The following ME3 variants were observed in gnomAD, a reference collection of about 807,000 sequenced individuals.
ME3 encodes malic enzyme 3, also known as NADP-dependent malic enzyme, mitochondrial.
Under a neutral mutation model 68.9 loss-of-function variants are expected in ME3, and 48 were observed. The observed-to-expected ratio is 0.70, with a 90% confidence interval of 0.55 to 0.89. The LOEUF (loss-of-function observed/expected upper bound fraction) is 0.89. Ranked by LOEUF, ME3 falls within the 40% of genes least tolerant of loss-of-function variation. The pLI, the probability that ME3 is intolerant of heterozygous loss-of-function variation, is 0.00. For synonymous variants in ME3, 320 were observed against 318.8 expected, an observed-to-expected ratio of 1.00 and a Z score of -0.04; for missense variants, 675 against 797.4, an observed-to-expected ratio of 0.85 and a Z score of 1.85.
At chr11:86,462,854 C>G (rs1950291378) in intron 8 of ME3, among the ~76,000 whole-genome samples, 1 of 152,100 alleles carries the variant, frequency 6.6e-6, no homozygotes, top group Non-Finnish European at 1.5e-5. Flanking sequence ...TGGGCCTTCC[C>G]TGGGCAGGAG....
At chr11:86,483,097 C>T (rs757377966) in intron 7 of ME3, among the ~76,000 whole-genome samples, 19 of 152,136 alleles carry the variant, frequency 1.2e-4, no homozygotes, top group Non-Finnish European at 2.8e-4. Flanking sequence ...CACAAAGGCC[C>T]GACAAGTAAC....
chr11:86,451,243 G>A lies in ME3; in HGVS notation c.920-845C>T, dbSNP rs142048717. The stretch of plus-strand genomic sequence containing the variant: ...GTTTAGCTGGATGATCAGGGACTTG[G>A]AAAGAACAAAATAGCAAGACTGGTG... On this transcript the variant is annotated intron_variant, in intron 8 of 14. Transcript: ENST00000543262. Among the ~76,000 whole-genome samples, 898 of 152,314 alleles carry A rather than the reference G, an allele frequency of 5.9e-3. 2 individuals are homozygous for A. The highest frequency in any genetic ancestry group is 8.6e-3 in the Non-Finnish European group (584 of 68,018).
chr11:86,587,653 A>C (rs74715785), intron 2 of ME3, among the ~76,000 whole-genome samples: 1,876 of 152,298 alleles, frequency 0.012, 15 homozygotes, highest in Middle Eastern at 0.027. Flanking sequence ...ACTTCAAAAG[A>C]AAGACAGTAG....
At chr11:86,579,208 A>G (rs1958292007) in intron 2 of ME3, among the ~76,000 whole-genome samples, 4 of 152,166 alleles carry the variant, frequency 2.6e-5, no homozygotes, top group African/African-American at 9.7e-5. Flanking sequence ...TTCATATTTC[A>G]GAATTAATTT....
At chr11:86,565,213 A>AC (rs71470707) in intron 2 of ME3, among the ~76,000 whole-genome samples, 2 of 151,306 alleles carry the variant, frequency 1.3e-5, no homozygotes, top group East Asian at 1.9e-4. Flanking sequence ...ACACACACAC[A>AC]CCCCCCCTAG....
chr11:86,612,601 C>T (rs2135205895), intron 2 of ME3, among the ~76,000 whole-genome samples: 1 of 152,280 alleles, frequency 6.6e-6, no homozygotes, highest in African/African-American at 2.4e-5. Flanking sequence ...TAATAATTGC[C>T]ATTCTGACTG....
chr11:86,508,768 A>G, intron 5 of ME3, 24 bp downstream of exon 5: 2 of 1,581,802 alleles, frequency 1.3e-6, no homozygotes, highest in Non-Finnish European at 1.7e-6. Flanking sequence ...CAATGATTAA[A>G]TAGCAATGAA....
At chr11:86,556,757 C>G in intron 3 of ME3, 55 bp from the exon 4 acceptor site, 1 of 1,577,958 alleles carries the variant, frequency 6.3e-7, no homozygotes, top group Non-Finnish European at 8.7e-7. Flanking sequence ...GGCCCTGATG[C>G]CTCTGTGGTG....
chr11:86,581,145 G>A (rs2139608668), intron 2 of ME3, among the ~76,000 whole-genome samples: 1 of 152,250 alleles, frequency 6.6e-6, no homozygotes, highest in East Asian at 1.9e-4. Context: ...AAAATATATA[G>A]ATTTCAGTAG....
At chr11:86,476,260 A>T (rs1310087255) in intron 7 of ME3, among the ~76,000 whole-genome samples, 1 of 152,174 alleles carries the variant, frequency 6.6e-6, no homozygotes, top group Non-Finnish European at 1.5e-5. Context: ...CAGCCCTGAA[A>T]ATGAAAGGAC....
chr11:86,572,942 T>C (rs914917126), intron 2 of ME3, among the ~76,000 whole-genome samples: 3 of 152,218 alleles, frequency 2.0e-5, no homozygotes, highest in African/African-American at 7.2e-5. Context: ...TCAGCATCTA[T>C]TGTTTCCTGA....
At chr11:86,609,507 T>C (rs986900336) in intron 2 of ME3, among the ~76,000 whole-genome samples, 1 of 152,202 alleles carries the variant, frequency 6.6e-6, no homozygotes, top group African/African-American at 2.4e-5. Context: ...AATCAGTGAA[T>C]GATTGAATTA....
intron 5 of ME3, among the ~76,000 whole-genome samples, chr11:86,499,496 A>G (rs1952580474): frequency 6.6e-6 from 1 of 152,182 alleles, no homozygotes; most frequent in African/African-American, 2.4e-5. Context: ...GGTTTGGTTA[A>G]ATCCATGAAG....
intron 8 of ME3, among the ~76,000 whole-genome samples, chr11:86,458,763 G>A (rs1348514544): frequency 6.6e-6 from 1 of 152,012 alleles, no homozygotes. Context: ...AGAGAGGGCA[G>A]TTGACCCCCG....
At chr11:86,642,233 T>C (rs1223321205) in intron 2 of ME3, among the ~76,000 whole-genome samples, 9 of 152,220 alleles carry the variant, frequency 5.9e-5, no homozygotes, top group Admixed American at 5.2e-4. Flanking sequence ...ATTTTTAATG[T>C]AGGAAATTAT....
At chr11:86,524,297 C>G (rs1363706301) in intron 4 of ME3, among the ~76,000 whole-genome samples, 3 of 152,256 alleles carry the variant, frequency 2.0e-5, no homozygotes, top group Non-Finnish European at 4.4e-5. Flanking sequence ...TACTGTCCCC[C>G]TGACTCAGAG....
intron 2 of ME3, among the ~76,000 whole-genome samples, chr11:86,631,548 C>G (rs1415895843): frequency 6.6e-6 from 1 of 152,126 alleles, no homozygotes; most frequent in Non-Finnish European, 1.5e-5. Flanking sequence ...AAAAAAAATT[C>G]CTTAGCTCCT....
chr11:86,517,705 G>A (rs1425217046), intron 4 of ME3, among the ~76,000 whole-genome samples: 2 of 152,178 alleles, frequency 1.3e-5, no homozygotes, highest in Non-Finnish European at 2.9e-5. Context: ...CTGGGAGGTA[G>A]TAATTGATAT....
chr11:86,568,815 CAACA>C (rs1419189297), intron 2 of ME3, among the ~76,000 whole-genome samples: 1 of 152,224 alleles, frequency 6.6e-6, no homozygotes, highest in African/African-American at 2.4e-5. Flanking sequence ...CTCCTTCATT[CAACA>C]AACACCCATG....
Sources: gnomAD v4.1 joint callset for allele counts (sites outside exome capture counted in the v4.1 genomes callset) on GRCh38, gnomAD v4.1.1 for gene constraint, MANE v1.5 for transcripts, NCBI Gene and HGNC (gene_info 2026-07-23, HGNC 2026-07-21) for gene names.